The following TMEM64 variants were observed in gnomAD, a reference collection of about 807,000 sequenced individuals.
TMEM64 encodes transmembrane protein 64.
In TMEM64, 19 loss-of-function variants were observed where a neutral mutation model predicts 24.5. The ratio of observed to expected loss-of-function variants is 0.78; its 90% confidence interval spans 0.54 to 1.14. The LOEUF is 1.14. Ranked by LOEUF, TMEM64 falls within the 50% of genes most tolerant of loss-of-function variation. The pLI, the probability that TMEM64 is intolerant of heterozygous loss-of-function variation, is 0.00. For synonymous variants in TMEM64, 262 were observed against 224.7 expected (o/e 1.17, Z -1.49); for missense variants, 487 against 493.0 (o/e 0.99, Z 0.12).
chr8:90,645,511 A>G lies in TMEM64; in HGVS notation c.395T>C (p.Leu132Pro), dbSNP rs1809681253. The G allele has an allele frequency of 1.9e-6, 3 of 1,550,318 alleles. No homozygotes were observed. Among genetic ancestry groups the G allele is most frequent in the African/African-American group, 2.7e-5 (2 of 73,030 alleles). The change falls in exon 1 of 3, where the codon CTG becomes CCG. Residue 132 changes from leucine (L) to proline (P), a missense_variant. By Grantham distance (98) the Leu-to-Pro change is moderately conservative. This residue lies in a region of TMEM64 where 419 missense variants were observed against 407.5 expected (regional missense o/e 1.03). Transcript: ENST00000458549. The surrounding 1 kb of genome is among the most constrained non-coding windows in gnomAD (Gnocchi z 4.2). Reference protein sequence around the residue: ...SLVLVCVLAALCFASLALVRR... With the variant: ...SLVLVCVLAAPCFASLALVRR... ...GACCAGGGCCAGGGAAGCGAAGCACAGGGCGGCCAACACGCAGACCAGCAC... is the reference window on the plus strand; with the variant it reads ...GACCAGGGCCAGGGAAGCGAAGCACGGGGCGGCCAACACGCAGACCAGCAC...
intron 1 of TMEM64, among the ~76,000 whole-genome samples, chr8:90,635,071 A>T (rs1809495493): frequency 6.6e-6 from 1 of 152,200 alleles, no homozygotes; most frequent in Non-Finnish European, 1.5e-5. Flanking sequence ...AGTGCTTGGA[A>T]GAGATAAAAA....
chr8:90,632,768 G>A (rs1809459684), intron 1 of TMEM64, among the ~76,000 whole-genome samples: 1 of 152,158 alleles, frequency 6.6e-6, no homozygotes, highest in South Asian at 2.1e-4. Flanking sequence ...CACCAGCTTA[G>A]ATGGCTGTTG....
intron 1 of TMEM64, among the ~76,000 whole-genome samples, chr8:90,644,853 C>T (rs570875457): frequency 6.6e-6 from 1 of 152,324 alleles, no homozygotes; most frequent in African/African-American, 2.4e-5. Flanking sequence ...GTTAAGAGGG[C>T]TTTTCATTTT....
intron 1 of TMEM64, among the ~76,000 whole-genome samples, chr8:90,641,661 T>C (rs1302293055): frequency 6.6e-6 from 1 of 152,234 alleles, no homozygotes; most frequent in African/African-American, 2.4e-5. Flanking sequence ...AGCAAGTTAT[T>C]TCACCACTGT....
chr8:90,639,358 G>T (rs4446695), intron 1 of TMEM64, among the ~76,000 whole-genome samples: 7,550 of 152,052 alleles, frequency 0.05, 620 homozygotes, highest in African/African-American at 0.17. Flanking sequence ...AGAATCTGGT[G>T]TAACCCCCCT....
chr8:90,645,482 G>C lies in TMEM64; in HGVS notation c.424C>G (p.Arg142Gly). The part of the protein sequence containing the change: ...LCFASLALVR[R>G]YLHHLLLWVE... The stretch of plus-strand genomic sequence containing the variant: ...CACAGCAGGAGGTGGTGAAGGTAGC[G>C]GCGGACCAGGGCCAGGGAAGCGAAG... Residue 142 changes from arginine to glycine, a missense_variant, in exon 1 of 3, where the codon CGC becomes GGC. Arg to Gly is a moderately radical substitution (Grantham distance 125). Transcript: ENST00000458549. The surrounding 1 kb of genome is among the most constrained non-coding windows in gnomAD (Gnocchi z 4.2). The C allele has an allele frequency of 3.2e-6, 5 of 1,551,226 alleles. No individual in the cohort carries two copies. The highest frequency in any genetic ancestry group is 2.4e-5 in the South Asian group (2 of 84,062).
At chr8:90,636,538 G>A (rs1251933486) in intron 1 of TMEM64, among the ~76,000 whole-genome samples, 1 of 152,228 alleles carries the variant, frequency 6.6e-6, no homozygotes, top group African/African-American at 2.4e-5. Flanking sequence ...ACACGCGTGA[G>A]CCACTGCACC....
chr8:90,633,657 T>C (rs1000536483), intron 1 of TMEM64, among the ~76,000 whole-genome samples: 7 of 152,266 alleles, frequency 4.6e-5, no homozygotes, highest in Admixed American at 6.5e-5. Context: ...GATACATGAA[T>C]GTGTCCATTG....
chr8:90,640,766 T>C (rs143888167), intron 1 of TMEM64, among the ~76,000 whole-genome samples: 19 of 152,322 alleles, frequency 1.2e-4, no homozygotes, highest in African/African-American at 3.4e-4. Context: ...TGCTTAAAGT[T>C]ATGATGACAT....
At chr8:90,631,478 A>G in intron 2 of TMEM64, 74 bp downstream of exon 2, 3 of 1,250,176 alleles carry the variant, frequency 2.4e-6, no homozygotes, top group Non-Finnish European at 3.3e-6. Context: ...TTTCAATGAA[A>G]TCTGTCAAAT....
At chr8:90,633,273 C>G (rs1177262645) in intron 1 of TMEM64, among the ~76,000 whole-genome samples, 3 of 152,192 alleles carry the variant, frequency 2.0e-5, no homozygotes, top group Non-Finnish European at 4.4e-5. Context: ...TGGCAAGGAA[C>G]TGATGTCTTC....
intron 1 of TMEM64, among the ~76,000 whole-genome samples, chr8:90,634,335 TACTAGAACTAAA>T (rs1586128454): frequency 6.6e-6 from 1 of 152,346 alleles, no homozygotes; most frequent in African/African-American, 2.4e-5. Flanking sequence ...TTAAATCTTC[TACTAGAACTAAA>T]ACATGGGTAT....
intron 1 of TMEM64, among the ~76,000 whole-genome samples, chr8:90,639,171 TAG>T (rs927966648): frequency 6.0e-5 from 9 of 151,242 alleles, no homozygotes; most frequent in African/African-American, 2.2e-4. Flanking sequence ...CCCTAACAGC[TAG>T]AGAGGGCTTC....
intron 2 of TMEM64, among the ~76,000 whole-genome samples, chr8:90,626,631 T>C (rs1193610839): frequency 3.5e-5 from 2 of 56,528 alleles, no homozygotes; most frequent in African/African-American, 6.8e-5. Context: ...TTTTCTTTCT[T>C]TTTTTTTTTT....
At chr8:90,631,968 G>A (rs1238326042) in intron 1 of TMEM64, among the ~76,000 whole-genome samples, 1 of 152,126 alleles carries the variant, frequency 6.6e-6, no homozygotes, top group Non-Finnish European at 1.5e-5. Flanking sequence ...TTTCTTTCAT[G>A]TAAATAAAAT....
chr8:90,636,626 A>G (rs919227781), intron 1 of TMEM64, among the ~76,000 whole-genome samples: 2 of 152,330 alleles, frequency 1.3e-5, no homozygotes, highest in South Asian at 4.1e-4. Flanking sequence ...TTTGACAAAC[A>G]TATTTGGAAT....
In TMEM64 at chr8:90,645,530, C is replaced by T. The variant is rs1191280991; in HGVS notation, c.376G>A (p.Val126Ile). 2 of 1,549,384 alleles carry T rather than the reference C, an allele frequency of 1.3e-6. No individual in the cohort carries two copies. Among genetic ancestry groups the T allele is most frequent in the Non-Finnish European group, 1.7e-6 (2 of 1,146,956 alleles). ...AAGCACAGGGCGGCCAACACGCAGA[C>T]CAGCACGAGGCTCCGGCACCAACAG... is the stretch of plus-strand genomic sequence containing the variant. Reference protein sequence around the residue: ...STCWCRSLVLVCVLAALCFAS... With the variant: ...STCWCRSLVLICVLAALCFAS... Residue 126 changes from valine (V) to isoleucine (I), a missense_variant, in exon 1 of 3, where the codon GTC becomes ATC. Physicochemically the swap from Val to Ile is conservative, Grantham distance 29 (BLOSUM62 3). Around this residue, in one of 3 missense-constraint regions of TMEM64, gnomAD observed 419 missense variants for 407.5 expected, o/e 1.03. Transcript: ENST00000458549. The surrounding 1 kb of genome is among the most constrained non-coding windows in gnomAD (Gnocchi z 4.2).
At chr8:90,631,522 A>G in intron 2 of TMEM64, 30 bp downstream of exon 2, 1 of 1,469,462 alleles carries the variant, frequency 6.8e-7, no homozygotes, top group Admixed American at 2.0e-5. Context: ...CAGAGAGAAA[A>G]AAAGAGACAA....
At chr8:90,641,634 C>T (rs1309698055) in intron 1 of TMEM64, among the ~76,000 whole-genome samples, 1 of 152,192 alleles carries the variant, frequency 6.6e-6, no homozygotes, top group East Asian at 1.9e-4. Flanking sequence ...TAAACATTTA[C>T]TAACTGTGTA....
Sources: allele counts gnomAD v4.1 joint callset (sites outside exome capture counted in the v4.1 genomes callset), GRCh38; gene constraint gnomAD v4.1.1; regional missense constraint gnomAD v4.1.1; non-coding constraint Gnocchi (gnomAD v3.1); transcripts MANE v1.5; gene names NCBI Gene and HGNC (gene_info 2026-07-23, HGNC 2026-07-21).